Variants in FLRT1 observed in about 807,000 individuals in gnomAD.
FLRT1 encodes the protein fibronectin leucine rich transmembrane protein 1.
In FLRT1, 14 loss-of-function variants were observed where a neutral mutation model predicts 30.9. The observed-to-expected ratio is 0.45, with a 90% CI of 0.30 to 0.71. The LOEUF is 0.71. Ranked by LOEUF, FLRT1 falls within the 30% of genes least tolerant of loss-of-function variation. The pLI is 0.08. For missense variants in FLRT1, 737 were observed against 949.2 expected (o/e 0.78, Z 2.94); for synonymous variants, 368 against 430.4 (o/e 0.85, Z 1.80).
At chr11:64,059,938 C>T (rs1031863134) in intron 1 of FLRT1, among the ~76,000 whole-genome samples, 6 of 151,920 alleles carry the variant, frequency 3.9e-5, no homozygotes, top group Non-Finnish European at 7.4e-5. Flanking sequence ...GCAGCTGGGG[C>T]GCTTGGGGGA....
intron 1 of FLRT1, among the ~76,000 whole-genome samples, chr11:64,053,158 G>A (rs11231684): frequency 6.6e-6 from 1 of 152,036 alleles, no homozygotes; most frequent in African/African-American, 2.4e-5. Context: ...GGCCCCAGAC[G>A]GAGAGCTGGG....
At chr11:64,041,361 G>A (rs995276138) in intron 1 of FLRT1, among the ~76,000 whole-genome samples, 4 of 151,614 alleles carry the variant, frequency 2.6e-5, no homozygotes, top group South Asian at 2.1e-4. Flanking sequence ...CCCCCGTGAC[G>A]CCTGGGAAAT....
intron 1 of FLRT1, among the ~76,000 whole-genome samples, chr11:64,057,874 C>T (rs187928977): frequency 3.9e-5 from 6 of 152,316 alleles, no homozygotes; most frequent in African/African-American, 7.2e-5. Context: ...GGCACGAATT[C>T]GTGAGGTCAC....
At chr11:64,050,306 C>T (rs1219712487) in intron 1 of FLRT1, among the ~76,000 whole-genome samples, 1 of 152,148 alleles carries the variant, frequency 6.6e-6, no homozygotes, top group Admixed American at 6.5e-5. Flanking sequence ...TACCACGAGG[C>T]CCAGAGCTTG....
At chr11:64,091,523 C>T (rs1944490556) in intron 1 of FLRT1, among the ~76,000 whole-genome samples, 1 of 152,056 alleles carries the variant, frequency 6.6e-6, no homozygotes, top group Admixed American at 6.5e-5. Flanking sequence ...TGGGTTACAA[C>T]AGTAGCTGAG....
chr11:64,109,068 C>T (rs754820624), intron 2 of FLRT1, among the ~76,000 whole-genome samples: 6 of 152,258 alleles, frequency 3.9e-5, no homozygotes, highest in Non-Finnish European at 8.8e-5. Flanking sequence ...TTCCTCTCCC[C>T]GCCTGGCCCT....
intron 2 of FLRT1, among the ~76,000 whole-genome samples, chr11:64,109,126 G>A (rs764347585): frequency 4.2e-4 from 64 of 152,296 alleles, no homozygotes; most frequent in Non-Finnish European, 2.2e-4. Context: ...AAGAGGAGAC[G>A]TGGGAGTGAG....
intron 1 of FLRT1, among the ~76,000 whole-genome samples, chr11:64,049,030 T>G (rs567629842): frequency 8.4e-6 from 1 of 119,456 alleles, no homozygotes; most frequent in South Asian, 2.8e-4. Flanking sequence ...CTGCCCTGAG[T>G]GTGGGTGATA....
intron 1 of FLRT1, among the ~76,000 whole-genome samples, chr11:64,072,588 T>G (rs1944130501): frequency 6.6e-6 from 1 of 152,220 alleles, no homozygotes; most frequent in Admixed American, 6.5e-5. Flanking sequence ...TTGGCCATGT[T>G]TGCTGGGGCC....
intron 1 of FLRT1, among the ~76,000 whole-genome samples, chr11:64,058,093 C>T (rs2134429195): frequency 6.6e-6 from 1 of 152,386 alleles, no homozygotes; most frequent in South Asian, 2.1e-4. Flanking sequence ...GAACCCATTA[C>T]AGGCCTATTT....
chr11:64,073,647 G>C (rs1565220249), intron 1 of FLRT1, among the ~76,000 whole-genome samples: 1 of 152,216 alleles, frequency 6.6e-6, no homozygotes. Context: ...ATGTACGTCT[G>C]GGCCGGGAGC....
chr11:64,057,812 C>T (rs149432461), intron 1 of FLRT1, among the ~76,000 whole-genome samples: 2 of 152,338 alleles, frequency 1.3e-5, no homozygotes, highest in African/African-American at 4.8e-5. Context: ...GGCATGTTCG[C>T]GGGTCCAGCA....
intron 1 of FLRT1, among the ~76,000 whole-genome samples, chr11:64,073,673 C>T (rs569701848): frequency 6.6e-6 from 1 of 152,326 alleles, no homozygotes; most frequent in South Asian, 2.1e-4. Context: ...AGGTCTGGCA[C>T]ATCAGATGGC....
chr11:64,083,945 G>A (rs1330251717), intron 1 of FLRT1, among the ~76,000 whole-genome samples: 2 of 152,206 alleles, frequency 1.3e-5, no homozygotes, highest in African/African-American at 2.4e-5. Flanking sequence ...GCGGCAGCCC[G>A]GCGCTGCTGT....
chr11:64,102,035 CCT>C (rs904599613), intron 1 of FLRT1, among the ~76,000 whole-genome samples: 57 of 152,308 alleles, frequency 3.7e-4, no homozygotes, highest in African/African-American at 1.3e-3. Context: ...CCCTAATATC[CCT>C]GTTTTTATTT....
chr11:64,072,397 TAGA>T (rs1179337643), intron 1 of FLRT1, among the ~76,000 whole-genome samples: 2 of 151,846 alleles, frequency 1.3e-5, no homozygotes, highest in East Asian at 1.9e-4. Flanking sequence ...AAGCCAAAAT[TAGA>T]AGGTCAGCTG....
Position 64,117,485 on chromosome 11 carries a change from G to C in FLRT1, c.1218G>C (p.Gln406His). The change falls in exon 3 of 3, where the codon CAG becomes CAC. Residue 406 changes from glutamine (Q) to histidine (H), a missense_variant. Transcript: ENST00000682287. ...ACCACGCCTCTGCCACCACGCCCCA[G>C]GGTTCCCTGTTTACCCTCAAGGCCA... ...ASNHASATTP[Q>H]GSLFTLKAKR... is the part of the protein sequence containing the mutation. The C allele has an allele frequency of 6.2e-7, 1 of 1,612,326 alleles. No homozygotes were observed. The highest frequency in any genetic ancestry group is 8.5e-7 in the Non-Finnish European group (1 of 1,178,786).
Position 64,117,043 on chromosome 11 carries a change from C to T in FLRT1, c.776C>T (p.Ser259Leu), listed in dbSNP as rs776773158. ...ACAGAGCTCTCGCTGGTGCGCAATT[C>T]GCTGGCCGCGCCACCCCTCAACCTG... The part of the protein sequence containing the change: ...NLTELSLVRN[S>L]LAAPPLNLPS... Residue 259 changes from serine to leucine, a missense_variant, in exon 3 of 3, where the codon TCG (serine) becomes TTG (leucine). Physicochemically the swap from Ser to Leu is moderately radical, Grantham distance 145 (BLOSUM62 -2). Coordinates refer to ENST00000682287, the MANE Select transcript of FLRT1 (RefSeq NM_013280.5). 1.2e-5 allele frequency: 19 copies of T among 1,606,674 alleles called. No individual in the cohort carries two copies. In the Admixed American group the frequency reaches 1.2e-4, roughly 10 times the overall value.
chr11:64,049,967 G>A lies in FLRT1; in HGVS notation c.-1038+13808G>A, dbSNP rs553239007. 7.9e-5 allele frequency among the ~76,000 whole-genome samples: 12 copies of A among 152,338 alleles called. No individual in the cohort carries two copies. In the East Asian group the frequency reaches 2.3e-3, roughly 29 times the overall value. The stretch of plus-strand genomic sequence containing the variant: ...TCAGAGCCCTCTTGGCCTAGCGATC[G>A]CACAGAGCCAGCCCAGGCCTGGATG... On this transcript the variant is annotated intron_variant, in intron 1 of 2. Transcript: ENST00000682287.
Sources: gnomAD v4.1 joint callset for allele counts (sites outside exome capture counted in the v4.1 genomes callset) on GRCh38, gnomAD v4.1.1 for gene constraint, MANE v1.5 for transcripts, NCBI Gene and HGNC (gene_info 2026-07-23, HGNC 2026-07-21) for gene names.